GALC: variants seen among roughly 807,000 people sequenced by gnomAD.
GALC encodes galactocerebrosidase.
A neutral mutation model predicts 91.8 loss-of-function variants in GALC; 77 were observed. The ratio of observed to expected loss-of-function variants is 0.84; its 90% confidence interval spans 0.70 to 1.01. GALC has a LOEUF of 1.01. Ranked by LOEUF, GALC falls within the 50% of genes least tolerant of loss-of-function variation. The pLI is 0.00. For missense variants in GALC, 882 were observed against 855.9 expected (o/e 1.03, Z -0.38); for synonymous variants, 357 against 306.7 (o/e 1.16, Z -1.71).
chr14:87,965,000 T>C (rs147650371), intron 9 of GALC, among the ~76,000 whole-genome samples: 2 of 152,288 alleles, frequency 1.3e-5, no homozygotes, highest in East Asian at 3.9e-4. Context: ...TAGGGGACAA[T>C]ATAAAGCCAT....
rs1353810301 is a variant in GALC, at chr14:87,986,596, G to C, written c.335C>G (p.Thr112Ser). The part of the protein sequence containing the change: ...IGGDGQTTDG[T>S]EPSHMHYALD... ...TGCATAATGCATGTGGGAGGGCTCA[G>C]TGCCGTCTGAATAGAGGAGAGCAAA... The change falls in exon 4 of 17, where the codon ACT (threonine) becomes AGT (serine). Residue 112 changes from threonine to serine, a missense_variant. By Grantham distance (58) the Thr-to-Ser change is moderately conservative. Coordinates refer to ENST00000261304, the MANE Select transcript of GALC (RefSeq NM_000153.4). 6.2e-7 allele frequency: 1 copy of C among 1,608,632 alleles called. No homozygotes were observed.
chr14:87,992,293 A>C (rs1887231188), intron 1 of GALC: 3 of 1,535,636 alleles, frequency 2.0e-6, no homozygotes, highest in Non-Finnish European at 2.6e-6. Flanking sequence ...AAAAAACAAA[A>C]ACCTTCTCAC....
intron 10 of GALC, among the ~76,000 whole-genome samples, chr14:87,962,431 T>A (rs1204048071): frequency 6.6e-6 from 1 of 152,166 alleles, no homozygotes; most frequent in African/African-American, 2.4e-5. Context: ...TAGACACCTT[T>A]GGTTTGAAAA....
intron 10 of GALC, among the ~76,000 whole-genome samples, chr14:87,952,109 A>G (rs1885335561): frequency 6.6e-6 from 1 of 151,880 alleles, no homozygotes; most frequent in South Asian, 2.1e-4. Flanking sequence ...AAACCAAAAT[A>G]GGCAAAGAAA....
At chr14:87,959,663 T>C (rs7152881) in intron 10 of GALC, 49,399 of 149,664 alleles carry the variant, frequency 0.33, 9,455 homozygotes, top group East Asian at 0.75. Flanking sequence ...GAGGTTGCAG[T>C]GAGCCAAGAT....
In GALC at chr14:87,934,535, A is replaced by C; in HGVS notation, c.*197T>G. The C allele has an allele frequency of 1.4e-6, 2 of 1,448,634 alleles. No individual in the cohort carries two copies. The highest frequency in any genetic ancestry group is 1.8e-6 in the Non-Finnish European group (2 of 1,108,204). 89.7% of individuals were successfully genotyped at this position (1,448,634 alleles called of 1,614,324 possible). ...CACCAGGTAATGTTAAAGATTCACC[A>C]GTTTTCCCCTTGGAATTAATTCTAA... On this transcript the variant is annotated 3_prime_UTR_variant, in exon 17 of 17. Coordinates refer to ENST00000261304, the MANE Select transcript of GALC (RefSeq NM_000153.4).
rs755827044 is a variant in GALC, at chr14:87,941,561, G to A, written c.1671-3C>T. 5 of 1,561,892 alleles carry A rather than the reference G, an allele frequency of 3.2e-6. No individual in the cohort carries two copies. The East Asian group carries it at 1.1e-4, about 35-fold the overall frequency. On this transcript the variant is annotated splice_region_variant and splice_polypyrimidine_tract_variant and intron_variant, in intron 14 of 16. Transcript: ENST00000261304. ...CACACTTTATAGTCAGATTGGTCCT[G>A]CAAAATAAAACGGTTGATTAGTACT... is the stretch of plus-strand genomic sequence containing the variant.
At chr14:87,965,734 A>G in intron 8 of GALC, 105 bp from the exon 9 acceptor site, 1 of 1,054,236 alleles carries the variant, frequency 9.5e-7, no homozygotes, top group East Asian at 2.6e-5. Flanking sequence ...ACACATCTAC[A>G]TAAATGACAA....
At chr14:87,944,491 C>T (rs404731) in intron 14 of GALC, among the ~76,000 whole-genome samples, 145,433 of 151,946 alleles carry the variant, frequency 0.96, 69,897 homozygotes, top group Non-Finnish European at 1. Flanking sequence ...ACTACCATAA[C>T]TGGAAAATCT....
At chr14:87,989,007 T>C (rs1887086023) in intron 1 of GALC, among the ~76,000 whole-genome samples, 1 of 152,184 alleles carries the variant, frequency 6.6e-6, no homozygotes. Flanking sequence ...CAGACCAGGC[T>C]GTACTAAGAA....
intron 10 of GALC, among the ~76,000 whole-genome samples, chr14:87,957,135 G>A (rs1885592063): frequency 6.6e-6 from 1 of 151,976 alleles, no homozygotes. Context: ...GCTGGTTTGA[G>A]TTCCTTATAG....
chr14:87,980,869 C>T (rs1217011489), intron 6 of GALC, among the ~76,000 whole-genome samples: 1 of 152,088 alleles, frequency 6.6e-6, no homozygotes, highest in Non-Finnish European at 1.5e-5. Context: ...TATGATTAAC[C>T]GAATGAAGAG....
rs759122249 is a variant in GALC, at chr14:87,947,776, G to C, written c.1441C>G (p.Pro481Ala). The C allele has an allele frequency of 1.2e-6, 2 of 1,612,986 alleles. No individual in the cohort carries two copies. The highest frequency in any genetic ancestry group is 1.7e-6 in the Non-Finnish European group (2 of 1,179,298). ...GTACTTGGGAAGGGCTGGGATTTTG[G>C]AGGAAGCGGGTAGCTGCCTTTGCGA... ...TGRKGSYPLPPKSQPFPSTYK... is the reference protein window; with the variant it reads ...TGRKGSYPLPAKSQPFPSTYK... Residue 481 changes from proline to alanine, a missense_variant, in exon 13 of 17, where the codon CCA becomes GCA. Coordinates refer to ENST00000261304, the MANE Select transcript of GALC (RefSeq NM_000153.4).
chr14:87,984,821 T>A (rs1886902263), intron 4 of GALC, among the ~76,000 whole-genome samples: 3 of 152,166 alleles, frequency 2.0e-5, no homozygotes, highest in Admixed American at 2.0e-4. Context: ...CCCTTACCAA[T>A]AGAAAGAAAT....
At chr14:87,974,642 C>T (rs1886422383) in intron 7 of GALC, among the ~76,000 whole-genome samples, 2 of 151,886 alleles carry the variant, frequency 1.3e-5, no homozygotes, top group South Asian at 4.1e-4. Context: ...AATTCTGTAT[C>T]CTAATAAAGA....
chr14:87,947,231 C>G (rs1885109508), intron 13 of GALC, among the ~76,000 whole-genome samples: 1 of 151,832 alleles, frequency 6.6e-6, no homozygotes, highest in South Asian at 2.1e-4. Context: ...AAAAACTTTT[C>G]TAACAACTTT....
chr14:87,951,576 A>G (rs919046013), intron 10 of GALC, among the ~76,000 whole-genome samples: 1 of 151,866 alleles, frequency 6.6e-6, no homozygotes. Flanking sequence ...ACCAAACTAC[A>G]CCATACTCTG....
intron 8 of GALC, among the ~76,000 whole-genome samples, chr14:87,967,347 A>G (rs1368154145): frequency 1.3e-5 from 2 of 152,164 alleles, no homozygotes; most frequent in African/African-American, 4.8e-5. Flanking sequence ...CTTTGTACCT[A>G]TCTTCAGTTT....
chr14:87,985,459 C>T (rs985865780), intron 4 of GALC, among the ~76,000 whole-genome samples: 2 of 152,136 alleles, frequency 1.3e-5, no homozygotes, highest in African/African-American at 4.8e-5. Flanking sequence ...GTTTAGCATG[C>T]CATATTTTCT....
Sources: gnomAD v4.1 joint callset for allele counts (sites outside exome capture counted in the v4.1 genomes callset) on GRCh38, gnomAD v4.1.1 for gene constraint, MANE v1.5 for transcripts, NCBI Gene and HGNC (gene_info 2026-07-23, HGNC 2026-07-21) for gene names.